The following EPB41L5 variants were observed in gnomAD, a reference collection of about 807,000 sequenced individuals.
EPB41L5 encodes the protein band 4.1-like protein 5.
Under a neutral mutation model 106.6 loss-of-function variants are expected in EPB41L5, and 55 were observed. That is an observed-to-expected ratio of 0.52 (90% CI 0.42 to 0.65). EPB41L5 has a LOEUF of 0.65. EPB41L5 is among the 30% of genes least tolerant of loss of function. The pLI, the probability that EPB41L5 is intolerant of heterozygous loss-of-function variation, is 0.00. For missense variants in EPB41L5, 871 were observed against 882.1 expected (o/e 0.99, Z 0.16); for synonymous variants, 297 against 306.7 (o/e 0.97, Z 0.33).
chr2:120,125,684 C>A (rs995308335), intron 16 of EPB41L5, among the ~76,000 whole-genome samples: 2 of 152,140 alleles, frequency 1.3e-5, no homozygotes, highest in African/African-American at 4.8e-5. Context: ...TGAATTCTCT[C>A]ACGGAATGCC....
In EPB41L5 at chr2:120,047,427, T is replaced by C. The variant is rs180678374; in HGVS notation, c.285+5317T>C. Among the ~76,000 whole-genome samples, 9 of 152,096 alleles carry C rather than the reference T, an allele frequency of 5.9e-5. No individual in the cohort carries two copies. In the East Asian group the frequency reaches 1.5e-3, roughly 26 times the overall value. ...TATTTTATTCTCTTTGAAGCAATTG[T>C]GAACGGGAGTTCACTCATGATTTGG... On this transcript the variant is annotated intron_variant, in intron 3 of 24. Coordinates refer to ENST00000263713, the MANE Select transcript of EPB41L5 (RefSeq NM_020909.4).
Position 120,175,032 on chromosome 2 carries a change from T to G in EPB41L5, c.*125T>G. The G allele has an allele frequency of 1.1e-6, 1 of 894,812 alleles. No individual in the cohort carries two copies. The highest frequency in any genetic ancestry group is 1.9e-6 in the Non-Finnish European group (1 of 538,460). The allele number at this position is 894,812 out of a possible 1,614,324, so 55.4% of individuals were successfully genotyped here. A position where few individuals can be genotyped will look rare whatever the true frequency, so the allele number is the denominator to read the frequency against. On this transcript the variant is annotated 3_prime_UTR_variant, in exon 25 of 25. Coordinates refer to ENST00000263713, the MANE Select transcript of EPB41L5 (RefSeq NM_020909.4). ...AAAAAAAGCTGCACGTAGATTTGAC[T>G]TCAACTCCGTAAAAAAGACAGCTGT...
intron 2 of EPB41L5, among the ~76,000 whole-genome samples, chr2:120,034,701 C>A (rs562841880): frequency 2.6e-5 from 4 of 151,628 alleles, no homozygotes; most frequent in African/African-American, 9.7e-5. Flanking sequence ...AAAAAAAAAA[C>A]CACACACACG....
rs1411061803 is a variant in EPB41L5, at chr2:120,176,364, T to C, written c.*1457T>C. On this transcript the variant is annotated 3_prime_UTR_variant, in exon 25 of 25. Coordinates refer to ENST00000263713, the MANE Select transcript of EPB41L5 (RefSeq NM_020909.4). ...TTGTACTGCTTAGCATAAAAGAACA[T>C]CCAGTCTTAGATCCTTAAAACTTCA... 6.6e-6 allele frequency: 1 copy of C among 152,206 alleles called. No homozygotes were observed. The highest frequency in any genetic ancestry group is 1.9e-4 in the East Asian group (1 of 5,198). 9.4% of individuals were successfully genotyped at this position (152,206 alleles called of 1,614,324 possible).
In EPB41L5 at chr2:120,171,070, G is replaced by A. The variant is rs114327355; in HGVS notation, c.2135+3063G>A. On this transcript the variant is annotated intron_variant, in intron 24 of 24. Coordinates refer to ENST00000263713, the MANE Select transcript of EPB41L5 (RefSeq NM_020909.4). ...CACAGATTTAGATTTACTTTGCAGC[G>A]TTCTCTGTGTGATACTGTGTTTCAA... Among the ~76,000 whole-genome samples, 552 of 152,292 alleles carry A rather than the reference G, an allele frequency of 3.6e-3. 3 individuals carry two copies. Among genetic ancestry groups the A allele is most frequent in the African/African-American group, 0.013 (522 of 41,544 alleles).
At chr2:120,069,530 A>G (rs1212682843) in intron 3 of EPB41L5, among the ~76,000 whole-genome samples, 1 of 152,190 alleles carries the variant, frequency 6.6e-6, no homozygotes, top group Non-Finnish European at 1.5e-5. Context: ...TCTTCTCATC[A>G]CTACATCACA....
chr2:120,156,155 C>T (rs1225256550), intron 20 of EPB41L5, among the ~76,000 whole-genome samples: 1 of 152,164 alleles, frequency 6.6e-6, no homozygotes, highest in East Asian at 1.9e-4. Flanking sequence ...AACTATCAGA[C>T]CTGAACTCTG....
chr2:120,052,308 C>A (rs145454999), intron 3 of EPB41L5, among the ~76,000 whole-genome samples: 1 of 152,114 alleles, frequency 6.6e-6, no homozygotes, highest in Non-Finnish European at 1.5e-5. Context: ...AATCTTGGCA[C>A]CTTTGGCAGA....
chr2:120,026,710 C>A (rs925215215), intron 2 of EPB41L5, among the ~76,000 whole-genome samples: 2 of 151,986 alleles, frequency 1.3e-5, no homozygotes, highest in Non-Finnish European at 2.9e-5. Flanking sequence ...GCATGAGCAA[C>A]TAAAGAAAAA....
chr2:120,111,350 T>G (rs1398548525), intron 16 of EPB41L5, among the ~76,000 whole-genome samples: 1 of 152,208 alleles, frequency 6.6e-6, no homozygotes, highest in African/African-American at 2.4e-5. Context: ...TTTCCCATCT[T>G]TGTGGTTTTT....
chr2:120,124,455 C>G (rs1263949843), intron 16 of EPB41L5, among the ~76,000 whole-genome samples: 1 of 152,202 alleles, frequency 6.6e-6, no homozygotes. Context: ...GATTCACCAA[C>G]TTAATATGTT....
chr2:120,102,442 G>A (rs1046892370), intron 16 of EPB41L5, among the ~76,000 whole-genome samples: 10 of 152,074 alleles, frequency 6.6e-5, no homozygotes, highest in African/African-American at 1.9e-4. Flanking sequence ...ACAAGGGCAT[G>A]GAACTGAATA....
At chr2:120,094,267 G>A (rs1232684301) in intron 14 of EPB41L5, among the ~76,000 whole-genome samples, 4 of 152,080 alleles carry the variant, frequency 2.6e-5, no homozygotes, top group African/African-American at 7.2e-5. Flanking sequence ...GATTACAGGC[G>A]TGAGCCACAG....
At chr2:120,019,413 TG>T (rs1677775741) in intron 2 of EPB41L5, 149 bp downstream of exon 2, 2 of 647,672 alleles carry the variant, frequency 3.1e-6, no homozygotes, top group Admixed American at 6.4e-5. Context: ...TTCAGGTACA[TG>T]GATCAGATAA....
At chr2:120,050,931 C>A (rs940783138) in intron 3 of EPB41L5, among the ~76,000 whole-genome samples, 1 of 152,144 alleles carries the variant, frequency 6.6e-6, no homozygotes, top group African/African-American at 2.4e-5. Flanking sequence ...TACTACATAC[C>A]CTGTTTGCCT....
intron 3 of EPB41L5, among the ~76,000 whole-genome samples, chr2:120,051,444 C>T (rs1331704102): frequency 6.6e-6 from 1 of 152,180 alleles, no homozygotes. Context: ...GAGCGTGGGA[C>T]CCTCCGAGCC....
chr2:120,065,878 A>C (rs1486289310), intron 3 of EPB41L5, among the ~76,000 whole-genome samples: 1 of 152,060 alleles, frequency 6.6e-6, no homozygotes. Flanking sequence ...TATCCCTGAA[A>C]ACTTATTCTG....
intron 3 of EPB41L5, among the ~76,000 whole-genome samples, chr2:120,056,910 A>G (rs1046259379): frequency 2.6e-5 from 4 of 151,612 alleles, no homozygotes; most frequent in Admixed American, 1.3e-4. Context: ...TTTTCTTTCC[A>G]TTTTGAGACA....
At chr2:120,139,696 G>A (rs1367469825) in intron 18 of EPB41L5, among the ~76,000 whole-genome samples, 1 of 152,054 alleles carries the variant, frequency 6.6e-6, no homozygotes, top group Non-Finnish European at 1.5e-5. Flanking sequence ...TGACGAGGAT[G>A]TGGAGAGAAA....
Sources: gnomAD v4.1 joint callset for allele counts (sites outside exome capture counted in the v4.1 genomes callset) on GRCh38, gnomAD v4.1.1 for gene constraint, MANE v1.5 for transcripts, NCBI Gene and HGNC (gene_info 2026-07-23, HGNC 2026-07-21) for gene names.